MGAM2: variants seen among roughly 807,000 people sequenced by gnomAD.
MGAM2 encodes maltase-glucoamylase 2 (putative).
A neutral mutation model predicts 96.1 loss-of-function variants in MGAM2; 98 were observed. That is an observed-to-expected ratio of 1.02 (90% confidence interval 0.87 to 1.21). The LOEUF is 1.21. Among genes scored for constraint, MGAM2 ranks in the 50% most tolerant of loss-of-function variants. The pLI is 0.00. For synonymous variants in MGAM2, 749 were observed against 414.8 expected (o/e 1.81, Z -9.79); for missense variants, 2,055 against 1,182.4 (o/e 1.74, Z -10.82).
chr7:142,185,440 T>C lies in MGAM2; in HGVS notation c.3987+301T>C, dbSNP rs376057371. ...TAATGAACCAAAGTCTAGCATTTTC[T>C]CACTAGAGGGGAATCCATTATGAAC... On this transcript the variant is annotated intron_variant, in intron 34 of 47. Coordinates refer to ENST00000477922, the MANE Select transcript of MGAM2 (RefSeq NM_001293626.2). 2.0e-4 allele frequency among the ~76,000 whole-genome samples: 31 copies of C among 152,320 alleles called. 1 individual carries two copies. Among genetic ancestry groups the C allele is most frequent in the Admixed American group, 1.2e-3 (19 of 15,304 alleles).
chr7:142,184,422 A>G (rs1796634481), intron 33 of MGAM2, among the ~76,000 whole-genome samples: 1 of 152,210 alleles, frequency 6.6e-6, no homozygotes, highest in South Asian at 2.1e-4. Flanking sequence ...TCAGTATAGC[A>G]TACAGTGTAG....
chr7:142,174,870 C>A (rs1339043683), intron 31 of MGAM2, among the ~76,000 whole-genome samples: 2 of 151,814 alleles, frequency 1.3e-5, no homozygotes, highest in African/African-American at 4.8e-5. Context: ...TGTGGGCCAC[C>A]AAGCTTGGCT....
chr7:142,189,557 T>C (rs1165412021), intron 37 of MGAM2, 52 bp downstream of exon 37: 4 of 631,302 alleles, frequency 6.3e-6, no homozygotes, highest in Non-Finnish European at 1.1e-5. Context: ...ATCATTCCTT[T>C]TGCCATTTCA....
At chr7:142,114,191 A>AAAGG (rs1817294519) in intron 1 of MGAM2, among the ~76,000 whole-genome samples, 1 of 106,838 alleles carries the variant, frequency 9.4e-6, no homozygotes, top group Non-Finnish European at 1.8e-5. Flanking sequence ...AGAAAGAAAG[A>AAAGG]AAGAAAGAAA....
At chr7:142,175,427 CAGA>C (rs58648549) in intron 31 of MGAM2, among the ~76,000 whole-genome samples, 16,941 of 152,028 alleles carry the variant, frequency 0.11, 993 homozygotes, top group Admixed American at 0.14. Context: ...ATTGGGGAAA[CAGA>C]AGGAGAAGGA....
chr7:142,162,617 G>A (rs1320617174), intron 23 of MGAM2, among the ~76,000 whole-genome samples: 2 of 151,394 alleles, frequency 1.3e-5, no homozygotes, highest in Non-Finnish European at 2.9e-5. Flanking sequence ...TCTTTTAAAT[G>A]TGTATATATG....
At chr7:142,117,133 T>A (rs556693692) in intron 2 of MGAM2, among the ~76,000 whole-genome samples, 154 bp downstream of exon 2, 1 of 152,316 alleles carries the variant, frequency 6.6e-6, no homozygotes, top group South Asian at 2.1e-4. Context: ...CTCCAAAAGA[T>A]AAGTGTTCTT....
chr7:142,163,016 T>G (rs1795933981), intron 23 of MGAM2, among the ~76,000 whole-genome samples: 1 of 152,176 alleles, frequency 6.6e-6, no homozygotes, highest in Non-Finnish European at 1.5e-5. Flanking sequence ...CTTTCAACAG[T>G]GTTCTGTAAA....
chr7:142,205,601 T>G (rs1384498188), intron 45 of MGAM2, among the ~76,000 whole-genome samples: 1 of 152,184 alleles, frequency 6.6e-6, no homozygotes, highest in African/African-American at 2.4e-5. Flanking sequence ...ATTATTCATG[T>G]GTACATTTTC....
intron 37 of MGAM2, among the ~76,000 whole-genome samples, chr7:142,193,788 T>C (rs532335628): frequency 6.6e-6 from 1 of 152,312 alleles, no homozygotes; most frequent in East Asian, 1.9e-4. Context: ...TCTTTTTTTT[T>C]CTTCACACCA....
At chr7:142,211,053 T>C (rs1385292994) in intron 46 of MGAM2, among the ~76,000 whole-genome samples, 1 of 152,180 alleles carries the variant, frequency 6.6e-6, no homozygotes, top group Non-Finnish European at 1.5e-5. Flanking sequence ...AAACATGGTC[T>C]GGAGTGGACC....
At chr7:142,147,607 T>C in intron 15 of MGAM2, 34 bp downstream of exon 15, 1 of 688,504 alleles carries the variant, frequency 1.5e-6, no homozygotes, top group South Asian at 1.5e-5. Flanking sequence ...ATTCCAGATA[T>C]GTGGAGGTGG....
chr7:142,135,915 T>G (rs934646365), intron 7 of MGAM2, among the ~76,000 whole-genome samples: 3 of 152,198 alleles, frequency 2.0e-5, no homozygotes, highest in Non-Finnish European at 4.4e-5. Flanking sequence ...AATTCAAAAT[T>G]ACTCATAATA....
chr7:142,171,572 GA>G (rs1408321211), intron 28 of MGAM2, 132 bp downstream of exon 28: 1 of 460,548 alleles, frequency 2.2e-6, no homozygotes, highest in African/African-American at 2.2e-5. Flanking sequence ...AGTTGTAATA[GA>G]GCACGTGTCA....
At chr7:142,198,253 A>G in intron 43 of MGAM2, 58 bp downstream of exon 43, 1 of 674,570 alleles carries the variant, frequency 1.5e-6, no homozygotes, top group South Asian at 1.6e-5. Context: ...GGAGAGGTGG[A>G]TAGAGCCTTC....
chr7:142,196,714 C>G lies in MGAM2; in HGVS notation c.4530C>G (p.Ile1510Met), dbSNP rs187193583. ...CATCTTCTCAGACAGGAGCAGATAT[C>G]TGTGGGTTCTTTGGAGATGCTGAAT... is the stretch of plus-strand genomic sequence containing the variant. Reference protein sequence around the residue: ...LFGIPYTGADICGFFGDAEYE... With the variant: ...LFGIPYTGADMCGFFGDAEYE... The change falls in exon 40 of 48, where the codon ATC (isoleucine) becomes ATG (methionine). Residue 1510 changes from isoleucine (I) to methionine (M), a missense_variant. By Grantham distance (10) the Ile-to-Met change is conservative. Coordinates refer to ENST00000477922, the MANE Select transcript of MGAM2 (RefSeq NM_001293626.2). 130 of 788,344 alleles carry G rather than the reference C, an allele frequency of 1.6e-4. 1 individual carries two copies. Among genetic ancestry groups the G allele is most frequent in the South Asian group, 1.0e-3 (76 of 74,602 alleles). The allele number at this position is 788,344 out of a possible 1,614,324, so 48.8% of individuals were successfully genotyped here. A position where few individuals can be genotyped will look rare whatever the true frequency, so the allele number is the denominator to read the frequency against.
chr7:142,141,486 TA>T (rs1337044321), intron 12 of MGAM2, among the ~76,000 whole-genome samples: 2 of 152,116 alleles, frequency 1.3e-5, no homozygotes, highest in Non-Finnish European at 2.9e-5. Flanking sequence ...TAATATATTT[TA>T]TTTTTTTTAA....
At chr7:142,127,281 T>G (rs2129075907) in intron 3 of MGAM2, among the ~76,000 whole-genome samples, 1 of 152,328 alleles carries the variant, frequency 6.6e-6, no homozygotes, top group South Asian at 2.1e-4. Flanking sequence ...CTCCTTTCTC[T>G]TTCTGGAGTC....
intron 23 of MGAM2, among the ~76,000 whole-genome samples, chr7:142,163,269 A>C (rs1795941078): frequency 6.6e-6 from 1 of 152,146 alleles, no homozygotes; most frequent in Admixed American, 6.6e-5. Context: ...TGGTGTGAAC[A>C]TAAGTTTGTT....
Sources: allele counts gnomAD v4.1 joint callset (sites outside exome capture counted in the v4.1 genomes callset), GRCh38; gene constraint gnomAD v4.1.1; transcripts MANE v1.5; gene names NCBI Gene and HGNC (gene_info 2026-07-23, HGNC 2026-07-21).